GSK3B: variants seen among roughly 807,000 people sequenced by gnomAD.
GSK3B encodes the protein glycogen synthase kinase-3 beta.
GSK3B carries 15 observed loss-of-function variants against 56.4 expected under a neutral mutation model. The ratio of observed to expected loss-of-function variants is 0.27; its 90% CI spans 0.18 to 0.41. The LOEUF (loss-of-function observed/expected upper bound fraction) is 0.41, where lower values mean the gene tolerates loss of function less well. Ranked by LOEUF, GSK3B falls within the 10% of genes least tolerant of loss-of-function variation. The pLI, the probability that GSK3B is intolerant of heterozygous loss-of-function variation, is 1.00. For synonymous variants in GSK3B, 181 were observed against 188.9 expected (o/e 0.96, Z 0.34); for missense variants, 300 against 513.4 (o/e 0.58, Z 4.02).
In GSK3B at chr3:119,921,875, C is replaced by T. The variant is rs953367094; in HGVS notation, c.477+1498G>A. ...TATCCTGGCCAGGCGTGGTGGCTTGCGCCTGTAATCTCAGTACTTGGGGAG... is the reference window on the plus strand; with the variant it reads ...TATCCTGGCCAGGCGTGGTGGCTTGTGCCTGTAATCTCAGTACTTGGGGAG... On this transcript the variant is annotated intron_variant, in intron 4 of 10. Coordinates refer to ENST00000264235, the MANE Select transcript of GSK3B (RefSeq NM_001146156.2). Among the ~76,000 whole-genome samples the T allele has an allele frequency of 5.3e-5, 8 of 152,198 alleles. No homozygotes were observed. In the South Asian group the frequency reaches 6.2e-4, roughly 12 times the overall value.
intron 10 of GSK3B, among the ~76,000 whole-genome samples, chr3:119,832,193 T>C (rs2055612622): frequency 6.6e-6 from 1 of 152,242 alleles, no homozygotes; most frequent in South Asian, 2.1e-4. Context: ...TGTGAGATAC[T>C]TAAGTAGCAC....
At chr3:120,092,012 T>TA (rs2058516800) in intron 1 of GSK3B, among the ~76,000 whole-genome samples, 1 of 152,176 alleles carries the variant, frequency 6.6e-6, no homozygotes, top group Non-Finnish European at 1.5e-5. Flanking sequence ...TGTGGGTTCT[T>TA]AAAATCTCAG....
At chr3:119,831,457 A>C (rs1396468255) in intron 10 of GSK3B, among the ~76,000 whole-genome samples, 1 of 152,110 alleles carries the variant, frequency 6.6e-6, no homozygotes, top group Non-Finnish European at 1.5e-5. Context: ...GGAGATAGAG[A>C]CCATCCTGGC....
intron 3 of GSK3B, among the ~76,000 whole-genome samples, chr3:119,941,594 TTAAG>T (rs1272079944): frequency 2.6e-5 from 4 of 152,186 alleles, no homozygotes; most frequent in African/African-American, 9.7e-5. Context: ...GCTATGAGGT[TTAAG>T]TGAGTTATAA....
chr3:120,092,799 A>G (rs192440334), intron 1 of GSK3B, among the ~76,000 whole-genome samples: 1 of 152,366 alleles, frequency 6.6e-6, no homozygotes, highest in African/African-American at 2.4e-5. Flanking sequence ...TTACTGAGGA[A>G]GTTCATCCAC....
intron 1 of GSK3B, among the ~76,000 whole-genome samples, chr3:120,054,750 T>C (rs941543515): frequency 6.6e-6 from 1 of 151,936 alleles, no homozygotes; most frequent in Non-Finnish European, 1.5e-5. Context: ...GCTCTCCAAA[T>C]GGCTTCCACA....
Position 119,863,583 on chromosome 3 carries a change from G to A in GSK3B, c.932C>T (p.Pro311Leu), listed in dbSNP as rs1189501362. 3.1e-6 allele frequency: 5 copies of A among 1,611,480 alleles called. No homozygotes were observed. The highest frequency in any genetic ancestry group is 2.2e-5 in the East Asian group (1 of 44,856). ...WTKVFRPRTPPEAIALCSRLL... is the reference protein window; with the variant it reads ...WTKVFRPRTPLEAIALCSRLL... ...ACGGCTACACAGTGCAATTGCCTCC[G>A]GTGGAGTTCGGGGTCGGAAGACCTG... Residue 311 changes from proline (P) to leucine (L), a missense_variant, in exon 9 of 11, where the codon CCG becomes CTG. Around this residue, in one of 6 missense-constraint regions of GSK3B, gnomAD observed 38 missense variants for 58.3 expected, o/e 0.65. Transcript: ENST00000264235.
intron 7 of GSK3B, among the ~76,000 whole-genome samples, chr3:119,881,585 A>G (rs184340737): frequency 5.9e-5 from 9 of 152,332 alleles, no homozygotes; most frequent in Admixed American, 2.6e-4. Context: ...TGCTAACATA[A>G]GACACAGTAC....
chr3:120,027,871 T>C (rs2057941105), intron 1 of GSK3B, among the ~76,000 whole-genome samples: 1 of 152,228 alleles, frequency 6.6e-6, no homozygotes, highest in Admixed American at 6.5e-5. Flanking sequence ...ATATAAAATG[T>C]TTTAAAGATA....
intron 9 of GSK3B, among the ~76,000 whole-genome samples, chr3:119,849,022 A>G (rs1005174914): frequency 1.3e-5 from 2 of 152,218 alleles, no homozygotes; most frequent in African/African-American, 4.8e-5. Flanking sequence ...ACTTCAAGTC[A>G]GTTCAATTTT....
At chr3:119,878,776 GAAC>G (rs1331567486) in intron 7 of GSK3B, among the ~76,000 whole-genome samples, 2 of 152,054 alleles carry the variant, frequency 1.3e-5, no homozygotes, top group South Asian at 2.1e-4. Flanking sequence ...AATTTAAAAA[GAAC>G]AACATGGATG....
chr3:119,995,343 A>G (rs2107472626), intron 2 of GSK3B, among the ~76,000 whole-genome samples: 1 of 152,146 alleles, frequency 6.6e-6, no homozygotes, highest in South Asian at 2.1e-4. Flanking sequence ...AAAAAAATAA[A>G]AATAATATAT....
chr3:119,908,549 C>A (rs753768545), intron 6 of GSK3B, among the ~76,000 whole-genome samples: 1 of 152,188 alleles, frequency 6.6e-6, no homozygotes, highest in Non-Finnish European at 1.5e-5. Context: ...GACACTCAAA[C>A]CCAGGTCGAC....
At chr3:120,082,827 T>C (rs1183053448) in intron 1 of GSK3B, among the ~76,000 whole-genome samples, 1 of 152,222 alleles carries the variant, frequency 6.6e-6, no homozygotes, top group Non-Finnish European at 1.5e-5. Context: ...TTAGATACAC[T>C]AGGTTAAATA....
intron 1 of GSK3B, among the ~76,000 whole-genome samples, chr3:120,044,644 T>TG (rs2058088593): frequency 6.6e-6 from 1 of 152,136 alleles, no homozygotes. Flanking sequence ...CCTCCATGGG[T>TG]AAGTATCAAC....
chr3:120,012,413 T>C (rs1429540929), intron 1 of GSK3B, among the ~76,000 whole-genome samples: 2 of 152,220 alleles, frequency 1.3e-5, no homozygotes, highest in Non-Finnish European at 2.9e-5. Context: ...CTAGCGATTA[T>C]AATAAAATTG....
intron 7 of GSK3B, among the ~76,000 whole-genome samples, chr3:119,878,396 C>A (rs931989929): frequency 6.6e-6 from 1 of 151,956 alleles, no homozygotes; most frequent in Non-Finnish European, 1.5e-5. Flanking sequence ...TAGGGAAATG[C>A]TAATTAAAAC....
chr3:119,942,715 A>G (rs2057062001), intron 3 of GSK3B, among the ~76,000 whole-genome samples: 1 of 152,176 alleles, frequency 6.6e-6, no homozygotes, highest in Non-Finnish European at 1.5e-5. Flanking sequence ...CATATGTTCT[A>G]TCAGAGGTCT....
At chr3:120,058,962 A>T (rs538347539) in intron 1 of GSK3B, among the ~76,000 whole-genome samples, 3 of 151,650 alleles carry the variant, frequency 2.0e-5, no homozygotes, top group Non-Finnish European at 4.4e-5. Flanking sequence ...GTGAGTCAAG[A>T]TCACGCCATT....
Sources: allele counts gnomAD v4.1 joint callset (sites outside exome capture counted in the v4.1 genomes callset), GRCh38; gene constraint gnomAD v4.1.1; regional missense constraint gnomAD v4.1.1; transcripts MANE v1.5; gene names NCBI Gene and HGNC (gene_info 2026-07-23, HGNC 2026-07-21).